Variants in EPHA5 observed in about 807,000 individuals in gnomAD.
The protein encoded by EPHA5 is ephrin type-A receptor 5.
In EPHA5, 60 loss-of-function variants were observed where a neutral mutation model predicts 105.0. The observed-to-expected ratio is 0.57, with a 90% CI of 0.46 to 0.71. The LOEUF is 0.71. EPHA5 is among the 30% of genes least tolerant of loss of function. The pLI is 0.00. For synonymous variants in EPHA5, 513 were observed against 449.1 expected, an observed-to-expected ratio of 1.14 and a Z score of -1.80; for missense variants, 1,218 against 1,274.7, an observed-to-expected ratio of 0.96 and a Z score of 0.68.
intron 2 of EPHA5, among the ~76,000 whole-genome samples, chr4:65,637,704 C>T (rs927695005): frequency 1.3e-5 from 2 of 151,148 alleles, no homozygotes; most frequent in African/African-American, 2.4e-5. Context: ...ACTGCCAACA[C>T]TGTGTCAAGT....
At chr4:65,496,315 G>A (rs1169181740) in intron 3 of EPHA5, among the ~76,000 whole-genome samples, 3 of 150,532 alleles carry the variant, frequency 2.0e-5, no homozygotes, top group East Asian at 4.0e-4. Flanking sequence ...TGCCATGCTG[G>A]TGCGCTGCAC....
At chr4:65,592,170 A>AC (rs1265091292) in intron 3 of EPHA5, among the ~76,000 whole-genome samples, 1 of 152,196 alleles carries the variant, frequency 6.6e-6, no homozygotes, top group East Asian at 1.9e-4. Context: ...ACGTAAAAAA[A>AC]ATCCTGAACT....
intron 13 of EPHA5, among the ~76,000 whole-genome samples, chr4:65,348,659 GATATATATATAT>G (rs36206921): frequency 0.044 from 2,670 of 60,102 alleles, 137 homozygotes; most frequent in African/African-American, 0.13. Context: ...AAACATTGGA[GATATATATATAT>G]ATATATATAT....
chr4:65,452,491 G>A (rs1326339304), intron 5 of EPHA5, among the ~76,000 whole-genome samples: 2 of 151,646 alleles, frequency 1.3e-5, no homozygotes. Flanking sequence ...GCGAAGGACA[G>A]AGAAGGGTAG....
At chr4:65,511,927 A>G (rs963253690) in intron 3 of EPHA5, among the ~76,000 whole-genome samples, 1 of 152,222 alleles carries the variant, frequency 6.6e-6, no homozygotes, top group African/African-American at 2.4e-5. Context: ...TGTCCTAGAA[A>G]ATAACCAGTA....
chr4:65,535,664 G>A (rs1422655169), intron 3 of EPHA5, among the ~76,000 whole-genome samples: 1 of 152,014 alleles, frequency 6.6e-6, no homozygotes, highest in African/African-American at 2.4e-5. Flanking sequence ...ATGTTAAGAA[G>A]TGTGCTGAAT....
At chr4:65,411,704 G>A (rs894884512) in intron 7 of EPHA5, among the ~76,000 whole-genome samples, 7 of 152,070 alleles carry the variant, frequency 4.6e-5, no homozygotes, top group African/African-American at 1.7e-4. Flanking sequence ...TAATTGCCCA[G>A]TAAAATAATT....
intron 1 of EPHA5, among the ~76,000 whole-genome samples, chr4:65,646,654 A>G (rs749109570): frequency 1.3e-5 from 2 of 152,150 alleles, no homozygotes; most frequent in Non-Finnish European, 2.9e-5. Flanking sequence ...TACTTTCACA[A>G]TTATTTATAT....
At position 65,652,001 on chromosome 4, in the gene EPHA5, C is replaced by A. The variant is rs1266233319; in HGVS notation, c.182-8574G>T. On this transcript the variant is annotated intron_variant, in intron 1 of 16. Transcript: ENST00000613740. ...GAAAAGAGCAACACCATATGGTTTTCGGTGGCTACCTTGTCAGGTATGCTA... is the reference window on the plus strand; with the variant it reads ...GAAAAGAGCAACACCATATGGTTTTAGGTGGCTACCTTGTCAGGTATGCTA... Among the ~76,000 whole-genome samples, 3 of 152,166 alleles carry A rather than the reference C, an allele frequency of 2.0e-5. No homozygotes were observed. In the East Asian group the frequency reaches 5.8e-4, roughly 29 times the overall value.
intron 3 of EPHA5, among the ~76,000 whole-genome samples, chr4:65,512,308 AT>A (rs1422585135): frequency 6.6e-6 from 1 of 152,162 alleles, no homozygotes; most frequent in African/African-American, 2.4e-5. Context: ...TACAGAAAAA[AT>A]AAAAATAAAT....
chr4:65,578,824 C>T (rs981796842), intron 3 of EPHA5, among the ~76,000 whole-genome samples: 4 of 151,942 alleles, frequency 2.6e-5, no homozygotes, highest in Non-Finnish European at 4.4e-5. Context: ...AAACTCAATG[C>T]TGACTATAAC....
intron 2 of EPHA5, among the ~76,000 whole-genome samples, chr4:65,611,114 C>T (rs933690673): frequency 8.6e-5 from 13 of 152,030 alleles, no homozygotes; most frequent in African/African-American, 3.1e-4. Context: ...TAAGGTATTT[C>T]GTGTTTCAGG....
At chr4:65,378,303 A>T (rs1327921314) in intron 8 of EPHA5, among the ~76,000 whole-genome samples, 1 of 151,960 alleles carries the variant, frequency 6.6e-6, no homozygotes, top group Non-Finnish European at 1.5e-5. Context: ...GAATATGCCA[A>T]ATCATTATTT....
At chr4:65,488,124 C>G (rs1416269748) in intron 5 of EPHA5, among the ~76,000 whole-genome samples, 4 of 152,104 alleles carry the variant, frequency 2.6e-5, no homozygotes, top group Admixed American at 2.6e-4. Context: ...ATGTCTTGAC[C>G]ACCTGGATGA....
intron 3 of EPHA5, among the ~76,000 whole-genome samples, chr4:65,593,141 T>A (rs536281467): frequency 2.0e-5 from 3 of 152,280 alleles, no homozygotes; most frequent in Admixed American, 6.5e-5. Flanking sequence ...GAAATGATAG[T>A]AAATATGTAA....
At chr4:65,407,789 T>A (rs1722505208) in intron 7 of EPHA5, among the ~76,000 whole-genome samples, 1 of 152,064 alleles carries the variant, frequency 6.6e-6, no homozygotes, top group African/African-American at 2.4e-5. Context: ...AGGGTCTCAC[T>A]TCGTCACCCA....
Position 65,490,813 on chromosome 4 carries a change from C to T in EPHA5, c.1067-101G>A, listed in dbSNP as rs1578239632. On this transcript the variant is annotated intron_variant, in intron 4 of 16. Coordinates refer to ENST00000613740, the MANE Select transcript of EPHA5 (RefSeq NM_001281766.3). The stretch of plus-strand genomic sequence containing the variant: ...TGGTCTGAAGGAAAAAATAGATTTG[C>T]AATAAGTCCTTTAAGTCATAATTTG... 21 of 1,208,654 alleles carry T rather than the reference C, an allele frequency of 1.7e-5. No homozygotes were observed. In the East Asian group the frequency reaches 5.0e-4, roughly 29 times the overall value. The allele number at this position is 1,208,654 out of a possible 1,614,324, so 74.9% of individuals were successfully genotyped here.
intron 14 of EPHA5, among the ~76,000 whole-genome samples, chr4:65,338,171 A>G (rs767052048): frequency 6.6e-6 from 1 of 152,122 alleles, no homozygotes; most frequent in Admixed American, 6.6e-5. Context: ...ATTCTCACTA[A>G]TGATCAAATA....
chr4:65,443,034 G>C (rs890749788), intron 5 of EPHA5, among the ~76,000 whole-genome samples: 1 of 152,044 alleles, frequency 6.6e-6, no homozygotes, highest in Non-Finnish European at 1.5e-5. Flanking sequence ...TTCTCCAACA[G>C]TTCTTTTCAA....
Sources: gnomAD v4.1 joint callset for allele counts (sites outside exome capture counted in the v4.1 genomes callset) on GRCh38, gnomAD v4.1.1 for gene constraint, MANE v1.5 for transcripts, NCBI Gene and HGNC (gene_info 2026-07-23, HGNC 2026-07-21) for gene names.